The following ZP2 variants were observed in gnomAD, a reference collection of about 807,000 sequenced individuals.
ZP2 encodes zona pellucida sperm-binding protein 2.
In ZP2, 51 loss-of-function variants were observed where a neutral mutation model predicts 84.0. The observed-to-expected ratio is 0.61, with a 90% CI of 0.49 to 0.77. The LOEUF is 0.77. ZP2 is among the 30% of genes least tolerant of loss of function. The pLI is 0.00. For synonymous variants in ZP2, 375 were observed against 330.9 expected (o/e 1.13, Z -1.45); for missense variants, 909 against 911.9 (o/e 1.00, Z 0.04).
intron 14 of ZP2, among the ~76,000 whole-genome samples, chr16:21,200,997 G>A (rs191261643): frequency 1.7e-4 from 26 of 152,118 alleles, no homozygotes; most frequent in Admixed American, 1.2e-3. Context: ...TCAGGAGTTC[G>A]AGACCAGCCT....
intron 3 of ZP2, 158 bp downstream of exon 3, chr16:21,209,951 G>T: frequency 1.4e-6 from 1 of 726,024 alleles, no homozygotes; most frequent in Non-Finnish European, 2.4e-6. Flanking sequence ...GGTCTTCCAT[G>T]CTGGGTGGCT....
chr16:21,209,806 G>A lies in ZP2; in HGVS notation c.236-81C>T. 11 of 1,272,774 alleles carry A rather than the reference G, an allele frequency of 8.6e-6. No homozygotes were observed. The Admixed American group carries it at 1.7e-4, about 20-fold the overall frequency. The allele number at this position is 1,272,774 out of a possible 1,614,324, so 78.8% of individuals were successfully genotyped here. ...CAAAGCTATAGAGTCAAGACCACCA[G>A]TCCATTTCTAAGGTACTTCAGTCCC... is the stretch of plus-strand genomic sequence containing the variant. On this transcript the variant is annotated intron_variant, in intron 3 of 18. Transcript: ENST00000574091.
chr16:21,210,016 G>A, intron 3 of ZP2, 93 bp downstream of exon 3: 2 of 1,138,098 alleles, frequency 1.8e-6, no homozygotes, highest in East Asian at 4.7e-5. Context: ...CGTTGCTGCA[G>A]GAGTTTGGGT....
In ZP2 at chr16:21,198,854, C is replaced by T; in HGVS notation, c.1936G>A (p.Ala646Thr). Residue 646 changes from alanine to threonine, a missense_variant, in exon 17 of 19, where the codon GCC becomes ACC. By Grantham distance (58) the Ala-to-Thr change is moderately conservative. Transcript: ENST00000574091. ...ACTGTCATTTTCTCTGCTTCAGTGG[C>T]CCCTGTGGCTGGAGACAGATGATCA... is the stretch of plus-strand genomic sequence containing the variant. The part of the protein sequence containing the change: ...VSSRHRRATG[A>T]TEAEKMTVSL... The T allele has an allele frequency of 6.2e-7, 1 of 1,613,742 alleles. No individual in the cohort carries two copies. The highest frequency in any genetic ancestry group is 8.5e-7 in the Non-Finnish European group (1 of 1,179,848).
At chr16:21,197,726 CA>C in intron 18 of ZP2, 39 bp downstream of exon 18, 1 of 1,611,196 alleles carries the variant, frequency 6.2e-7, no homozygotes, top group South Asian at 1.1e-5. Flanking sequence ...AAGCCTTCAA[CA>C]GGCTTATTTC....
rs1400778388 is a variant in ZP2, at chr16:21,209,835, A to C, written c.236-110T>G. 8.4e-6 allele frequency: 8 copies of C among 948,546 alleles called. No individual in the cohort carries two copies. In the Admixed American group the frequency reaches 1.2e-4, roughly 14 times the overall value. 58.8% of individuals were successfully genotyped at this position (948,546 alleles called of 1,614,324 possible). On this transcript the variant is annotated intron_variant, in intron 3 of 18. Transcript: ENST00000574091. The stretch of plus-strand genomic sequence containing the variant: ...ATTTCTAAGGTACTTCAGTCCCTTC[A>C]CTTCCGCCCCAACTCAGTGATAGAA...
At position 21,198,399 on chromosome 16, in the gene ZP2, AAG is replaced by A. The variant is rs374857011; in HGVS notation, c.2011+378_2011+379del. On this transcript the variant is annotated intron_variant, in intron 17 of 18. Coordinates refer to ENST00000574091, the MANE Select transcript of ZP2 (RefSeq NM_001376232.1). ...GACAAGAACAAAACTTTATCTCAAA[AAG>A]AAAAAAAGAAGGATTCTAGTATGGA... 6.6e-3 allele frequency among the ~76,000 whole-genome samples: 1,003 copies of A among 152,252 alleles called. 11 individuals are homozygous for A. The highest frequency in any genetic ancestry group is 0.023 in the African/African-American group (938 of 41,532).
In ZP2 at chr16:21,197,558, C is replaced by T; in HGVS notation, c.2160G>A (p.Val720=). The part of the protein sequence containing the change: ...GDVGSKAVAA[V]AAFAGVVATL... ...TTGCCACCACACCTGCAAAGGCAGC[C>T]ACAGCAGCCACAGCTTTGGAACCAA... Residue 720 remains valine, a synonymous_variant, in exon 19 of 19, where the codon GTG becomes GTA. Coordinates refer to ENST00000574091, the MANE Select transcript of ZP2 (RefSeq NM_001376232.1). The T allele has an allele frequency of 6.2e-7, 1 of 1,614,116 alleles. No individual in the cohort carries two copies. The highest frequency in any genetic ancestry group is 8.5e-7 in the Non-Finnish European group (1 of 1,179,996).
intron 16 of ZP2, among the ~76,000 whole-genome samples, chr16:21,199,318 CAAAAAAAAAA>C (rs10644558): frequency 1.1e-4 from 5 of 45,718 alleles, no homozygotes; most frequent in African/African-American, 3.6e-4. Flanking sequence ...AAAACTGTCT[CAAAAAAAAAA>C]AAAAAAAAAA....
rs917435543 is a variant in ZP2, at chr16:21,202,989, T to G, written c.1099+136A>C. ...GGACCCCATCGTAGCAGCTACACTG[T>G]TTCTAATCTGACTAGTCTTTAGTTT... On this transcript the variant is annotated intron_variant, in intron 10 of 18. Transcript: ENST00000574091. The G allele has an allele frequency of 1.0e-5, 11 of 1,083,294 alleles. No individual in the cohort carries two copies. In the African/African-American group the frequency reaches 1.6e-4, roughly 16 times the overall value. The allele number at this position is 1,083,294 out of a possible 1,614,324, so 67.1% of individuals were successfully genotyped here.
intron 9 of ZP2, 113 bp downstream of exon 9, chr16:21,203,917 T>C: frequency 8.7e-7 from 1 of 1,145,542 alleles, no homozygotes; most frequent in African/African-American, 1.5e-5. Flanking sequence ...TTTGAATCTG[T>C]TATGTTGGCA....
upstream of ZP2, among the ~76,000 whole-genome samples, chr16:21,213,225 G>C (rs181307815): frequency 6.6e-6 from 1 of 151,910 alleles, no homozygotes; most frequent in Non-Finnish European, 1.5e-5. Context: ...TTGTATTTTT[G>C]GTAGAGACAG....
chr16:21,200,010 T>A, intron 14 of ZP2, 132 bp from the exon 15 acceptor site: 1 of 1,137,836 alleles, frequency 8.8e-7, no homozygotes, highest in Non-Finnish European at 1.3e-6. Context: ...GCACCTTTGT[T>A]TTACTCAGCA....
At chr16:21,199,972 G>C in intron 14 of ZP2, 94 bp from the exon 15 acceptor site, 1 of 1,499,432 alleles carries the variant, frequency 6.7e-7, no homozygotes, top group Non-Finnish European at 9.1e-7. Flanking sequence ...AATATCTTCA[G>C]AACTATTGCC....
chr16:21,206,744 A>G, intron 5 of ZP2, 94 bp downstream of exon 5: 2 of 1,502,272 alleles, frequency 1.3e-6, no homozygotes, highest in Non-Finnish European at 1.8e-6. Context: ...GGATTAAATC[A>G]TGGTCTGATT....
chr16:21,207,635 AACACACACACACACACACACACACAC>A lies in ZP2; in HGVS notation c.331-671_331-646del, dbSNP rs10530241. ...AGACTCCATCTCTATATATATATTAAACACACACACACACACACACACACACACACACACACACACACACACCACAA... is the reference window on the plus strand; with the variant it reads ...AGACTCCATCTCTATATATATATTAAACACACACACACACACACACCACAA... On this transcript the variant is annotated intron_variant, in intron 4 of 18. Transcript: ENST00000574091. Among the ~76,000 whole-genome samples the A allele has an allele frequency of 8.1e-4, 117 of 143,866 alleles. 3 individuals are homozygous for A. The highest frequency in any genetic ancestry group is 6.4e-3 in the Admixed American group (91 of 14,156). The allele number at this position is 143,866 out of a possible 152,430, so 94.4% of individuals were successfully genotyped here. A position where few individuals can be genotyped will look rare whatever the true frequency, so the allele number is the denominator to read the frequency against.
upstream of ZP2, chr16:21,214,377 G>A (rs779237562): frequency 1.0e-4 from 66 of 646,806 alleles, no homozygotes; most frequent in Non-Finnish European, 1.2e-4. Context: ...TAGCTGCTCC[G>A]TAAAACAGTG....
In ZP2 at chr16:21,204,421, C is replaced by G. The variant is rs2093240384; in HGVS notation, c.694-17G>C. On this transcript the variant is annotated splice_polypyrimidine_tract_variant and intron_variant, in intron 7 of 18. Coordinates refer to ENST00000574091, the MANE Select transcript of ZP2 (RefSeq NM_001376232.1). ...GTTACCTTGCTAGGGGGAGAAATAACAGTGATCTTCAAAAACATTGGTTAC... is the reference window on the plus strand; with the variant it reads ...GTTACCTTGCTAGGGGGAGAAATAAGAGTGATCTTCAAAAACATTGGTTAC... 1.9e-6 allele frequency: 3 copies of G among 1,600,286 alleles called. No homozygotes were observed. Among genetic ancestry groups the G allele is most frequent in the Non-Finnish European group, 1.7e-6 (2 of 1,169,064 alleles).
chr16:21,197,783 T>TC lies in ZP2; in HGVS notation c.2077dup (p.Glu693GlyfsTer?), dbSNP rs139710200. The TC allele has an allele frequency of 2.5e-6, 4 of 1,614,156 alleles. No individual in the cohort carries two copies. The highest frequency in any genetic ancestry group is 3.4e-6 in the Non-Finnish European group (4 of 1,180,004). On this transcript the variant is annotated frameshift_variant, in exon 18 of 19. Transcript: ENST00000574091. LOFTEE classifies it low-confidence loss of function (END_TRUNC). The stretch of plus-strand genomic sequence containing the variant: ...AAACTTACCTCGTGAGCCAACCTCC[T>TC]CCCCTGTTTCACTCCTACTCTTCTC...
Sources: gnomAD v4.1 joint callset for allele counts (sites outside exome capture counted in the v4.1 genomes callset) on GRCh38, gnomAD v4.1.1 for gene constraint, MANE v1.5 for transcripts, NCBI Gene and HGNC (gene_info 2026-07-23, HGNC 2026-07-21) for gene names.